Variants in RWDD2B observed in about 807,000 individuals in gnomAD.
RWDD2B encodes the protein RWD domain-containing protein 2B.
RWDD2B carries 36 observed loss-of-function variants against 33.6 expected under a neutral mutation model. That is an observed-to-expected ratio of 1.07 (90% CI 0.82 to 1.42). RWDD2B has a LOEUF of 1.42. RWDD2B is among the 40% of genes most tolerant of loss of function. The pLI is 0.00. For synonymous variants in RWDD2B, 126 were observed against 133.1 expected, an observed-to-expected ratio of 0.95 and a Z score of 0.37; for missense variants, 364 against 377.5, an observed-to-expected ratio of 0.96 and a Z score of 0.30.
intron 1 of RWDD2B, among the ~76,000 whole-genome samples, chr21:29,012,560 G>A (rs2084869655): frequency 6.6e-6 from 1 of 151,810 alleles, no homozygotes. Context: ...TTGTTAAACA[G>A]ATGCTTGAAG....
At chr21:29,011,096 T>C (rs2084855834) in intron 1 of RWDD2B, among the ~76,000 whole-genome samples, 2 of 151,640 alleles carry the variant, frequency 1.3e-5, no homozygotes, top group African/African-American at 2.4e-5. Flanking sequence ...CCACCCCGTC[T>C]GGGAAGTGAG....
chr21:29,007,778 A>G lies in RWDD2B; in HGVS notation c.708T>C (p.Cys236=), dbSNP rs1199103407. 1.2e-6 allele frequency: 2 copies of G among 1,613,636 alleles called. No individual in the cohort carries two copies. Among genetic ancestry groups the G allele is most frequent in the Non-Finnish European group, 1.7e-6 (2 of 1,179,834 alleles). The change falls in exon 4 of 5, where the codon TGT becomes TGC. Residue 236 remains cysteine (C), a synonymous_variant. Transcript: ENST00000493196. The part of the protein sequence containing the change: ...VVCVEGPQSA[C]EEFWSRLRKL... ...AAGCAAACCTTGACCAGAATTCTTC[A>G]CAGGCACTTTGTGGGCCTTCCACAC... is the stretch of plus-strand genomic sequence containing the variant.
Position 29,011,764 on chromosome 21 carries a change from T to TG in RWDD2B, c.68-3144dup, listed in dbSNP as rs1285266536. 6.8e-3 allele frequency among the ~76,000 whole-genome samples: 468 copies of TG among 68,716 alleles called. 12 individuals carry two copies. Among genetic ancestry groups the TG allele is most frequent in the Admixed American group, 0.019 (130 of 6,888 alleles). 45.1% of individuals were successfully genotyped at this position (68,716 alleles called of 152,430 possible). On this transcript the variant is annotated intron_variant, in intron 1 of 4. Transcript: ENST00000493196. ...CCAGCCGCCCCGTCCGGGAGGGAGG[T>TG]GGGGGGGTCAGCCCCCCGCCCGGCC...
chr21:29,007,293 G>C (rs2084833135), intron 4 of RWDD2B, among the ~76,000 whole-genome samples: 1 of 152,218 alleles, frequency 6.6e-6, no homozygotes, highest in South Asian at 2.1e-4. Context: ...TCAGGTGACG[G>C]GGAAAATGCT....
intron 1 of RWDD2B, among the ~76,000 whole-genome samples, chr21:29,011,599 G>GC (rs2084860503): frequency 7.5e-6 from 1 of 132,592 alleles, no homozygotes; most frequent in Non-Finnish European, 1.6e-5. Context: ...GGGGGGGTCA[G>GC]CCCCCCACCC....
At position 29,004,594 on chromosome 21, in the gene RWDD2B, C is replaced by T. The variant is rs920297925; in HGVS notation, c.*1823G>A. ...GTATTTCATACAAATCTGTTAGTCG[C>T]TGGAGGAATCAGAAACTAGACACAC... On this transcript the variant is annotated 3_prime_UTR_variant, in exon 5 of 5. Transcript: ENST00000493196. The T allele has an allele frequency of 6.6e-6, 1 of 152,164 alleles. No individual in the cohort carries two copies. Among genetic ancestry groups the T allele is most frequent in the African/African-American group, 2.4e-5 (1 of 41,418 alleles). 9.4% of individuals were successfully genotyped at this position (152,164 alleles called of 1,614,324 possible).
chr21:29,013,112 T>C (rs1403687721), intron 1 of RWDD2B, among the ~76,000 whole-genome samples: 2 of 151,406 alleles, frequency 1.3e-5, no homozygotes, highest in Non-Finnish European at 2.9e-5. Flanking sequence ...AGTGGTGCGA[T>C]TATAGCTCGT....
chr21:29,013,506 A>G (rs1290450682), intron 1 of RWDD2B, among the ~76,000 whole-genome samples: 1 of 151,888 alleles, frequency 6.6e-6, no homozygotes, highest in Non-Finnish European at 1.5e-5. Context: ...TGGCTAACAC[A>G]GTGAAACCCC....
intron 1 of RWDD2B, among the ~76,000 whole-genome samples, chr21:29,017,627 A>G (rs185023814): frequency 6.6e-6 from 1 of 152,210 alleles, no homozygotes; most frequent in East Asian, 1.9e-4. Flanking sequence ...AACAAAAAAG[A>G]ATTTTTGTAC....
chr21:29,011,319 C>T (rs1261376804), intron 1 of RWDD2B, among the ~76,000 whole-genome samples: 1 of 150,088 alleles, frequency 6.7e-6, no homozygotes, highest in Non-Finnish European at 1.5e-5. Context: ...TCTGCCCTGC[C>T]GCCCCGTCCG....
intron 1 of RWDD2B, among the ~76,000 whole-genome samples, chr21:29,018,914 T>C (rs1169684751): frequency 2.0e-5 from 3 of 151,714 alleles, no homozygotes; most frequent in African/African-American, 7.3e-5. Flanking sequence ...TCCTTGCAGA[T>C]TTTTTTTTGA....
chr21:29,012,643 C>T (rs2084870119), intron 1 of RWDD2B, among the ~76,000 whole-genome samples: 1 of 151,896 alleles, frequency 6.6e-6, no homozygotes, highest in Middle Eastern at 3.4e-3. Flanking sequence ...TGCGGAAGGC[C>T]GCAGGGTCCT....
intron 1 of RWDD2B, among the ~76,000 whole-genome samples, chr21:29,011,961 C>G (rs1227598908): frequency 7.9e-6 from 1 of 125,800 alleles, no homozygotes; most frequent in South Asian, 2.6e-4. Context: ...GCCCCCGACC[C>G]GGCCAGCCGC....
chr21:29,006,495 A>G lies in RWDD2B; in HGVS notation c.882T>C (p.Phe294=). The change falls in exon 5 of 5, where the codon TTT becomes TTC. Residue 294 remains phenylalanine (F), a synonymous_variant. Transcript: ENST00000493196. Reference sequence around the variant, plus strand: ...TGTTTAAGAACTGATAGAGCTGACCAAAGTCCATGTGGTTTCCCCTGGCTC... The same window carrying G: ...TGTTTAAGAACTGATAGAGCTGACCGAAGTCCATGTGGTTTCCCCTGGCTC... ...VNGARGNHMD[F]GQLYQFLNTK... The G allele has an allele frequency of 6.2e-7, 1 of 1,614,130 alleles. No individual in the cohort carries two copies. Among genetic ancestry groups the G allele is most frequent in the Non-Finnish European group, 8.5e-7 (1 of 1,179,984 alleles).
chr21:29,017,751 G>C (rs540175891), intron 1 of RWDD2B, among the ~76,000 whole-genome samples: 1 of 152,334 alleles, frequency 6.6e-6, no homozygotes, highest in Admixed American at 6.5e-5. Flanking sequence ...TTTCTCCTAA[G>C]GTGACTGTAG....
chr21:29,010,949 C>G (rs1242587484), intron 1 of RWDD2B, among the ~76,000 whole-genome samples: 1 of 152,198 alleles, frequency 6.6e-6, no homozygotes, highest in Non-Finnish European at 1.5e-5. Flanking sequence ...GGATTGCAGA[C>G]GGAGTCTGGT....
chr21:29,013,988 A>G (rs184904147), intron 1 of RWDD2B, among the ~76,000 whole-genome samples: 4 of 152,290 alleles, frequency 2.6e-5, no homozygotes, highest in African/African-American at 7.2e-5. Flanking sequence ...AAATTTAACT[A>G]TATCTGTATA....
intron 1 of RWDD2B, among the ~76,000 whole-genome samples, chr21:29,011,655 G>C (rs1456516339): frequency 1.4e-3 from 186 of 133,364 alleles, no homozygotes; most frequent in African/African-American, 5.0e-3. Flanking sequence ...TCAGCCCCCC[G>C]CCCGGCCAGC....
In RWDD2B at chr21:29,008,379, A is replaced by G. The variant is rs2146335040; in HGVS notation, c.294+16T>C. ...CTCAACATGTTTCAATCCCTCTAAA[A>G]GCAAAACTGAATTACCATTTTTTCG... is the stretch of plus-strand genomic sequence containing the variant. On this transcript the variant is annotated intron_variant, in intron 2 of 4. Coordinates refer to ENST00000493196, the MANE Select transcript of RWDD2B (RefSeq NM_016940.3). 6.2e-7 allele frequency: 1 copy of G among 1,613,598 alleles called. No individual in the cohort carries two copies. The highest frequency in any genetic ancestry group is 1.7e-5 in the Admixed American group (1 of 60,004).
Sources: gnomAD v4.1 joint callset for allele counts (sites outside exome capture counted in the v4.1 genomes callset) on GRCh38, gnomAD v4.1.1 for gene constraint, MANE v1.5 for transcripts, NCBI Gene and HGNC (gene_info 2026-07-23, HGNC 2026-07-21) for gene names.